Variants in PTBP3 observed in about 807,000 individuals in gnomAD.
PTBP3 encodes polypyrimidine tract-binding protein 3.
A neutral mutation model predicts 58.7 loss-of-function variants in PTBP3; 20 were observed. The observed-to-expected ratio is 0.34, with a 90% CI of 0.24 to 0.50. The LOEUF (loss-of-function observed/expected upper bound fraction) is 0.50, where lower values mean the gene tolerates loss of function less well. PTBP3 is among the 20% of genes least tolerant of loss of function. The pLI is 0.98. For synonymous variants in PTBP3, 185 were observed against 219.8 expected (o/e 0.84, Z 1.40); for missense variants, 509 against 637.2 (o/e 0.80, Z 2.17).
intron 1 of PTBP3, among the ~76,000 whole-genome samples, chr9:112,303,074 T>C (rs941940046): frequency 6.6e-6 from 1 of 152,242 alleles, no homozygotes; most frequent in Non-Finnish European, 1.5e-5. Flanking sequence ...CAAGTCTAAA[T>C]GTCCTGTGAT....
At chr9:112,326,890 G>C (rs981802707) in intron 1 of PTBP3, among the ~76,000 whole-genome samples, 60 of 152,146 alleles carry the variant, frequency 3.9e-4, no homozygotes, top group Admixed American at 3.7e-3. Context: ...TTATCATCTA[G>C]TTGGTTCTTC....
At chr9:112,250,411 C>T (rs1284140631) in intron 7 of PTBP3, among the ~76,000 whole-genome samples, 1 of 152,106 alleles carries the variant, frequency 6.6e-6, no homozygotes, top group Non-Finnish European at 1.5e-5. Flanking sequence ...ATTTAGAAGG[C>T]TGTATTTTTA....
intron 3 of PTBP3, among the ~76,000 whole-genome samples, chr9:112,273,443 A>G (rs1271668271): frequency 6.6e-6 from 1 of 152,230 alleles, no homozygotes; most frequent in Non-Finnish European, 1.5e-5. Flanking sequence ...GTAAACAATA[A>G]TATTCACTGT....
At chr9:112,365,188 G>A in the PTBP3 span, among the ~76,000 whole-genome samples, 1 of 151,936 alleles carries the variant, frequency 6.6e-6, no homozygotes, top group Non-Finnish European at 1.5e-5. Flanking sequence ...ATATATGTAT[G>A]TATCTATCTA....
At chr9:112,259,765 T>C (rs967575507) in intron 5 of PTBP3, among the ~76,000 whole-genome samples, 8 of 152,220 alleles carry the variant, frequency 5.3e-5, no homozygotes, top group African/African-American at 1.4e-4. Flanking sequence ...TAAATAGTTA[T>C]AACAGGTACA....
chr9:112,373,861 C>T, the PTBP3 span, among the ~76,000 whole-genome samples: 2 of 152,224 alleles, frequency 1.3e-5, no homozygotes, highest in African/African-American at 4.8e-5. Context: ...ATACTCATGA[C>T]AATTACAGTC....
intron 2 of PTBP3, among the ~76,000 whole-genome samples, chr9:112,291,572 G>A (rs576635490): frequency 2.1e-4 from 32 of 152,238 alleles, no homozygotes; most frequent in Admixed American, 1.6e-3. Context: ...TCACTTACAC[G>A]TTCAAATGAT....
the PTBP3 span, among the ~76,000 whole-genome samples, chr9:112,371,608 A>G: frequency 6.6e-6 from 1 of 151,778 alleles, no homozygotes; most frequent in South Asian, 2.1e-4. Context: ...TCTGCTTCCA[A>G]AATCCAGGAG....
chr9:112,268,551 C>T (rs771549949), intron 3 of PTBP3, among the ~76,000 whole-genome samples: 3 of 134,912 alleles, frequency 2.2e-5, no homozygotes, highest in South Asian at 2.7e-4. Context: ...TAAAAATTAG[C>T]GGGGCATGGT....
In PTBP3 at chr9:112,332,936, G is replaced by A. The variant is rs1830437631; in HGVS notation, c.-52+534C>T. Reference sequence around the variant, plus strand: ...CTCGGCCAAGTCCCGCGGCGGCCCTGGGACCCCGCGTGGGACCATGGCTTG... The same window carrying A: ...CTCGGCCAAGTCCCGCGGCGGCCCTAGGACCCCGCGTGGGACCATGGCTTG... On this transcript the variant is annotated intron_variant, in intron 1 of 13. Coordinates refer to ENST00000374257, the MANE Select transcript of PTBP3 (RefSeq NM_001163788.4). The A allele has an allele frequency of 2.0e-6, 3 of 1,520,940 alleles. No individual in the cohort carries two copies. The African/African-American group carries it at 4.1e-5, about 21-fold the overall frequency. The allele number at this position is 1,520,940 out of a possible 1,614,324, so 94.2% of individuals were successfully genotyped here. A position where few individuals can be genotyped will look rare whatever the true frequency, so the allele number is the denominator to read the frequency against.
the PTBP3 span, among the ~76,000 whole-genome samples, chr9:112,339,506 G>A: frequency 6.6e-6 from 1 of 150,468 alleles, no homozygotes; most frequent in Non-Finnish European, 1.5e-5. Flanking sequence ...CTCTTGGATT[G>A]TTGTTATTTT....
chr9:112,262,339 C>G, intron 5 of PTBP3, 96 bp downstream of exon 5: 2 of 1,051,776 alleles, frequency 1.9e-6, no homozygotes, highest in Non-Finnish European at 2.6e-6. Context: ...AATATATCAA[C>G]AAAACCAATA....
At chr9:112,320,314 A>ATATT in intron 1 of PTBP3, among the ~76,000 whole-genome samples, 13 of 75,688 alleles carry the variant, frequency 1.7e-4, no homozygotes, top group African/African-American at 8.0e-4. Context: ...ATATATATAT[A>ATATT]TTTTTTTTTA....
At chr9:112,269,545 T>C (rs1827278650) in intron 3 of PTBP3, among the ~76,000 whole-genome samples, 1 of 152,214 alleles carries the variant, frequency 6.6e-6, no homozygotes, top group Non-Finnish European at 1.5e-5. Flanking sequence ...AAAGGGAACT[T>C]GATTAAAATC....
chr9:112,225,274 A>G (rs780738369), intron 12 of PTBP3, among the ~76,000 whole-genome samples: 4 of 152,182 alleles, frequency 2.6e-5, no homozygotes, highest in African/African-American at 9.7e-5. Context: ...ACTCACTTGT[A>G]TATCACTTTG....
chr9:112,291,272 T>C (rs979985499), intron 2 of PTBP3, among the ~76,000 whole-genome samples: 26 of 151,948 alleles, frequency 1.7e-4, no homozygotes, highest in Non-Finnish European at 3.1e-4. Flanking sequence ...ATTGGAAGAC[T>C]TGAAATTGTT....
At position 112,221,419 on chromosome 9, in the gene PTBP3, G is replaced by T. The variant is rs1329309700; in HGVS notation, c.*2432C>A. The T allele has an allele frequency of 1.0e-6, 1 of 985,548 alleles. No individual in the cohort carries two copies. The highest frequency in any genetic ancestry group is 1.7e-5 in the African/African-American group (1 of 57,174). 61.1% of individuals were successfully genotyped at this position (985,548 alleles called of 1,614,324 possible). Reference sequence around the variant, plus strand: ...ATCCCCTTCCGTTATTAGCAACTTTGCTACACTTATGCTGAATGTTATGAG... The same window carrying T: ...ATCCCCTTCCGTTATTAGCAACTTTTCTACACTTATGCTGAATGTTATGAG... On this transcript the variant is annotated 3_prime_UTR_variant, in exon 14 of 14. Transcript: ENST00000374257.
chr9:112,224,254 C>A, intron 12 of PTBP3, 44 bp from the exon 13 acceptor site: 1 of 1,205,546 alleles, frequency 8.3e-7, no homozygotes, highest in South Asian at 1.6e-5. Context: ...GCCGCATTCT[C>A]AAGTGAAGCA....
the PTBP3 span, among the ~76,000 whole-genome samples, chr9:112,364,956 C>T: frequency 2.0e-5 from 3 of 152,158 alleles, no homozygotes; most frequent in Admixed American, 1.3e-4. Flanking sequence ...ACCCCCACCA[C>T]AACCCAGCCT....
Sources: allele counts gnomAD v4.1 joint callset (sites outside exome capture counted in the v4.1 genomes callset), GRCh38; gene constraint gnomAD v4.1.1; transcripts MANE v1.5; gene names NCBI Gene and HGNC (gene_info 2026-07-23, HGNC 2026-07-21).